CD93: variants seen among roughly 807,000 people sequenced by gnomAD.
The protein encoded by CD93 is complement component C1q receptor.
In CD93, 44 loss-of-function variants were observed where a neutral mutation model predicts 45.5. That is an observed-to-expected ratio of 0.97 (90% CI 0.76 to 1.24). The LOEUF (loss-of-function observed/expected upper bound fraction) is 1.24, where lower values mean the gene tolerates loss of function less well. Ranked by LOEUF, CD93 falls within the 50% of genes most tolerant of loss-of-function variation. The pLI is 0.00. For synonymous variants in CD93, 431 were observed against 370.8 expected (o/e 1.16, Z -1.87); for missense variants, 918 against 844.5 (o/e 1.09, Z -1.08).
At position 23,084,918 on chromosome 20, in the gene CD93, G is replaced by A. The variant is rs1985437575; in HGVS notation, c.1275C>T (p.Cys425=). The A allele has an allele frequency of 6.2e-7, 1 of 1,613,306 alleles. No individual in the cohort carries two copies. Among genetic ancestry groups the A allele is most frequent in the Non-Finnish European group, 8.5e-7 (1 of 1,179,904 alleles). The change falls in exon 1 of 2, where the codon TGC becomes TGT. Residue 425 remains cysteine, a synonymous_variant. Coordinates refer to ENST00000246006, the MANE Select transcript of CD93 (RefSeq NM_012072.4). The stretch of plus-strand genomic sequence containing the variant: ...GGCCCACACACTCATCCACGTCCTG[G>A]CACTGAGTCCCGTCCTCCCCGGCCA... ...YVLAGEDGTQ[C]QDVDECVGPG...
In CD93 at chr20:23,084,265, T is replaced by C; in HGVS notation, c.1928A>G (p.Gln643Arg). The stretch of plus-strand genomic sequence containing the variant: ...CACTCAGGGCCCCCTTTACCTGTAC[T>C]GGTTCTCCATGGCCCTGCTCTCAGC... ...ERAESRAMENQYSPTPGTDC is the reference protein window; with the variant it reads ...ERAESRAMENRYSPTPGTDC The change falls in exon 1 of 2, where the codon CAG becomes CGG. Residue 643 changes from glutamine (Q) to arginine (R), a missense_variant. Coordinates refer to ENST00000246006, the MANE Select transcript of CD93 (RefSeq NM_012072.4). 1 of 1,613,704 alleles carries C rather than the reference T, an allele frequency of 6.2e-7. No individual in the cohort carries two copies. The highest frequency in any genetic ancestry group is 8.5e-7 in the Non-Finnish European group (1 of 1,179,938).
chr20:23,083,872 G>A lies in CD93; in HGVS notation c.*78C>T. On this transcript the variant is annotated 3_prime_UTR_variant, in exon 2 of 2. Transcript: ENST00000246006. ...AGTCCAGTCTTTCAAAAAAATGTGG[G>A]TGCCCCTTTGGAATGGGGAGTTCAA... The A allele has an allele frequency of 3.7e-6, 5 of 1,336,284 alleles. No individual in the cohort carries two copies. Among genetic ancestry groups the A allele is most frequent in the Non-Finnish European group, 2.2e-6 (2 of 926,222 alleles). 82.8% of individuals were successfully genotyped at this position (1,336,284 alleles called of 1,614,324 possible).
In CD93 at chr20:23,086,048, C is replaced by A. The variant is rs1454138921; in HGVS notation, c.145G>T (p.Ala49Ser). Residue 49 changes from alanine (A) to serine (S), a missense_variant, in exon 1 of 2, where the codon GCC (alanine) becomes TCC (serine). Coordinates refer to ENST00000246006, the MANE Select transcript of CD93 (RefSeq NM_012072.4). ...CCGTTCTGGTTGCAGTGGTTCTGGG[C>A]CTCGGCAGCGCTCAGCTTGCCCGAG... ...AHSGKLSAAE[A>S]QNHCNQNGGN... 6.2e-7 allele frequency: 1 copy of A among 1,607,256 alleles called. No individual in the cohort carries two copies. Among genetic ancestry groups the A allele is most frequent in the African/African-American group, 1.3e-5 (1 of 74,906 alleles).
chr20:23,085,189 TG>T lies in CD93; in HGVS notation c.1003del (p.Gln335SerfsTer253). ...ACAGTCCAGCTGACTCGAGTCCAGC[TG>T]GTACCCTTGGGGGCAGCGGCACGTG... ...NYTCRCPQGY[Q>X]LDSSQLDCVD... is the part of the protein sequence containing the mutation. On this transcript the variant is annotated frameshift_variant, in exon 1 of 2. Transcript: ENST00000246006. LOFTEE classifies it high-confidence loss of function. 6.3e-7 allele frequency: 1 copy of T among 1,590,784 alleles called. No homozygotes were observed. The highest frequency in any genetic ancestry group is 8.6e-7 in the Non-Finnish European group (1 of 1,167,918).
In CD93 at chr20:23,079,832, G is replaced by A. The variant is rs1231170400; in HGVS notation, c.*4118C>T. The A allele has an allele frequency of 6.6e-6, 1 of 151,644 alleles. No homozygotes were observed. Among genetic ancestry groups the A allele is most frequent in the Non-Finnish European group, 1.5e-5 (1 of 67,980 alleles). 9.4% of individuals were successfully genotyped at this position (151,644 alleles called of 1,614,324 possible). ...TCCAGAGCTTCTACCTAAAATAGAAGGGCATTATCTACAAGAACAGACCAA... is the reference window on the plus strand; with the variant it reads ...TCCAGAGCTTCTACCTAAAATAGAAAGGCATTATCTACAAGAACAGACCAA... On this transcript the variant is annotated 3_prime_UTR_variant, in exon 2 of 2. Coordinates refer to ENST00000246006, the MANE Select transcript of CD93 (RefSeq NM_012072.4).
At position 23,084,260 on chromosome 20, in the gene CD93, T is replaced by G. The variant is rs1319081083; in HGVS notation, c.1933A>C (p.Ser645Arg). 1.9e-6 allele frequency: 3 copies of G among 1,613,370 alleles called. No individual in the cohort carries two copies. The highest frequency in any genetic ancestry group is 2.5e-6 in the Non-Finnish European group (3 of 1,179,840). ...AESRAMENQY[S>R]PTPGTDC ...CCGGTCACTCAGGGCCCCCTTTACCTGTACTGGTTCTCCATGGCCCTGCTC... is the reference window on the plus strand; with the variant it reads ...CCGGTCACTCAGGGCCCCCTTTACCGGTACTGGTTCTCCATGGCCCTGCTC... The change falls in exon 1 of 2, where the codon AGT becomes CGT. Residue 645 changes from serine to arginine, a missense_variant and splice_region_variant. Transcript: ENST00000246006.
In CD93 at chr20:23,084,368, G is replaced by A. The variant is rs745695333; in HGVS notation, c.1825C>T (p.Arg609Trp). Residue 609 changes from arginine to tryptophan, a missense_variant, in exon 1 of 2, where the codon CGG becomes TGG. By Grantham distance (101) the Arg-to-Trp change is moderately radical (BLOSUM62 -3). Coordinates refer to ENST00000246006, the MANE Select transcript of CD93 (RefSeq NM_012072.4). ...LALGLLVYRK[R>W]RAKREEKKEK... ...TTCTTCTCCTCCCTCTTCGCTCTCC[G>A]CTTGCGATAGACCAGTAGCCCCAGA... The A allele has an allele frequency of 2.1e-5, 34 of 1,614,062 alleles. No homozygotes were observed. Among genetic ancestry groups the A allele is most frequent in the East Asian group, 1.8e-4 (8 of 44,888 alleles).
Position 23,084,437 on chromosome 20 carries a change from T to TG in CD93, c.1755dup (p.Ile586HisfsTer51). The TG allele has an allele frequency of 1.2e-6, 2 of 1,614,102 alleles. No homozygotes were observed. The highest frequency in any genetic ancestry group is 1.7e-6 in the Non-Finnish European group (2 of 1,180,024). On this transcript the variant is annotated frameshift_variant, in exon 1 of 2. Transcript: ENST00000246006. LOFTEE classifies it high-confidence loss of function. ...AGGATGGCCACCACGGTGCCTAGGA[T>TG]GTAGAATAAAAGCAGCTTTTGCCCG...
Position 23,083,420 on chromosome 20 carries a change from G to A in CD93, c.*530C>T, listed in dbSNP as rs1467134956. 1.3e-5 allele frequency: 2 copies of A among 155,078 alleles called. No homozygotes were observed. Among genetic ancestry groups the A allele is most frequent in the African/African-American group, 4.8e-5 (2 of 41,480 alleles). 9.6% of individuals were successfully genotyped at this position (155,078 alleles called of 1,614,324 possible). A position where few individuals can be genotyped will look rare whatever the true frequency, so the allele number is the denominator to read the frequency against. On this transcript the variant is annotated 3_prime_UTR_variant, in exon 2 of 2. Transcript: ENST00000246006. ...CACATTTAGCAAGACTTGTGCTGGCGAAATGGAGGAATGCAAATGTAAAGA... is the reference window on the plus strand; with the variant it reads ...CACATTTAGCAAGACTTGTGCTGGCAAAATGGAGGAATGCAAATGTAAAGA...
In CD93 at chr20:23,085,456, T is replaced by A; in HGVS notation, c.737A>T (p.Asp246Val). Residue 246 changes from aspartate to valine, a missense_variant, in exon 1 of 2, where the codon GAT becomes GTT. Asp to Val is a radical substitution (Grantham distance 152, BLOSUM62 -3). Transcript: ENST00000246006. ...HYFLCKEKAPDVFDWGSSGPL... is the reference protein window; with the variant it reads ...HYFLCKEKAPVVFDWGSSGPL... The stretch of plus-strand genomic sequence containing the variant: ...GCCCGAGCTGCCCCAGTCGAACACA[T>A]CGGGGGCCTTCTCCTTGCACAGGAA... The A allele has an allele frequency of 6.2e-7, 1 of 1,613,912 alleles. No homozygotes were observed. The highest frequency in any genetic ancestry group is 8.5e-7 in the Non-Finnish European group (1 of 1,180,030).
Position 23,084,521 on chromosome 20 carries a change from G to T in CD93, c.1672C>A (p.Pro558Thr). The change falls in exon 1 of 2, where the codon CCC becomes ACC. Residue 558 changes from proline (P) to threonine (T), a missense_variant. Physicochemically the swap from Pro to Thr is conservative, Grantham distance 38. Coordinates refer to ENST00000246006, the MANE Select transcript of CD93 (RefSeq NM_012072.4). Reference protein sequence around the residue: ...SIHHATAASGPQEPAGGDSSV... With the variant: ...SIHHATAASGTQEPAGGDSSV... ...GAGTCCCCACCTGCAGGCTCCTGGG[G>T]GCCAGAGGCAGCTGTGGCGTGATGG... 1.9e-6 allele frequency: 3 copies of T among 1,613,992 alleles called. No homozygotes were observed. The highest frequency in any genetic ancestry group is 2.5e-6 in the Non-Finnish European group (3 of 1,180,034).
rs767818152 is a variant in CD93, at chr20:23,084,815, G to C, written c.1378C>G (p.Leu460Val). The C allele has an allele frequency of 4.3e-6, 7 of 1,613,400 alleles. No homozygotes were observed. The South Asian group carries it at 7.7e-5, about 18-fold the overall frequency. Reference protein sequence around the residue: ...FHCGCLPGWVLAPNGVSCTMG... With the variant: ...FHCGCLPGWVVAPNGVSCTMG... ...GTGCAAGAGACCCCATTTGGGGCCAGCACCCAGCCTGGCAGGCAGCCACAG... is the reference window on the plus strand; with the variant it reads ...GTGCAAGAGACCCCATTTGGGGCCACCACCCAGCCTGGCAGGCAGCCACAG... Residue 460 changes from leucine to valine, a missense_variant, in exon 1 of 2, where the codon CTG becomes GTG. Coordinates refer to ENST00000246006, the MANE Select transcript of CD93 (RefSeq NM_012072.4).
In CD93 at chr20:23,085,718, TG is replaced by T; in HGVS notation, c.474del (p.Lys159SerfsTer41). ...LSQPLLPSRL[P>X]KWSEGPCGSP... ...CTCCCACAGGGGCCCTCAGACCACT[TG>T]GGGAGGCGGCTGGGAAGGAGCGGCT... On this transcript the variant is annotated frameshift_variant, in exon 1 of 2. Transcript: ENST00000246006. LOFTEE classifies it high-confidence loss of function. The T allele has an allele frequency of 6.2e-7, 1 of 1,611,528 alleles. No individual in the cohort carries two copies.
In CD93 at chr20:23,084,335, T is replaced by C. The variant is rs371399527; in HGVS notation, c.1858A>G (p.Lys620Glu). ...RAKREEKKEK[K>E]PQNAADSYSW... ...TAACTGTCTGCCGCATTCTGGGGCT[T>C]CTTCTCCTTCTTCTCCTCCCTCTTC... Residue 620 changes from lysine to glutamate, a missense_variant, in exon 1 of 2, where the codon AAG becomes GAG. Lys to Glu is a moderately conservative substitution (Grantham distance 56). Transcript: ENST00000246006. The C allele has an allele frequency of 5.5e-5, 89 of 1,613,768 alleles. No homozygotes were observed. The African/African-American group carries it at 7.0e-4, about 13-fold the overall frequency.
chr20:23,086,323 A>C lies in CD93; in HGVS notation c.-131T>G, dbSNP rs984117161. ...CAGCCACTCCGGCGCAGAGAAGGAC[A>C]CAAAGGCTGAGGGCTTTCCACGTCC... On this transcript the variant is annotated 5_prime_UTR_variant, in exon 1 of 2. Transcript: ENST00000246006. 8.4e-7 allele frequency: 1 copy of C among 1,183,512 alleles called. No individual in the cohort carries two copies. Among genetic ancestry groups the C allele is most frequent in the African/African-American group, 1.5e-5 (1 of 64,642 alleles). 73.3% of individuals were successfully genotyped at this position (1,183,512 alleles called of 1,614,324 possible).
Position 23,083,202 on chromosome 20 carries a change from T to C in CD93, c.*748A>G, listed in dbSNP as rs995986552. 4 of 152,302 alleles carry C rather than the reference T, an allele frequency of 2.6e-5. No homozygotes were observed. Among genetic ancestry groups the C allele is most frequent in the African/African-American group, 7.2e-5 (3 of 41,474 alleles). 9.4% of individuals were successfully genotyped at this position (152,302 alleles called of 1,614,324 possible). On this transcript the variant is annotated 3_prime_UTR_variant, in exon 2 of 2. Coordinates refer to ENST00000246006, the MANE Select transcript of CD93 (RefSeq NM_012072.4). ...AACAAATCCCTGGCCTCTCTCGCCCTAGCCCCGTAGATTATGTGACTTCAC... is the reference window on the plus strand; with the variant it reads ...AACAAATCCCTGGCCTCTCTCGCCCCAGCCCCGTAGATTATGTGACTTCAC...
Position 23,084,665 on chromosome 20 carries a change from G to C in CD93, c.1528C>G (p.Pro510Ala). 6.3e-7 allele frequency: 1 copy of C among 1,587,526 alleles called. No individual in the cohort carries two copies. Among genetic ancestry groups the C allele is most frequent in the South Asian group, 1.1e-5 (1 of 86,960 alleles). The change falls in exon 1 of 2, where the codon CCC (proline) becomes GCC (alanine). Residue 510 changes from proline (P) to alanine (A), a missense_variant. Pro to Ala is a conservative substitution (Grantham distance 27). Coordinates refer to ENST00000246006, the MANE Select transcript of CD93 (RefSeq NM_012072.4). Reference protein sequence around the residue: ...ASPTRGPEGTPKATPTTSRPS... With the variant: ...ASPTRGPEGTAKATPTTSRPS... ...CTACTTGTGGTGGGTGTAGCCTTGG[G>C]GGTGCCCTCGGGGCCCCTTGTGGGA...
chr20:23,082,775 G>A lies in CD93; in HGVS notation c.*1175C>T, dbSNP rs1254228435. 2.0e-5 allele frequency: 3 copies of A among 152,458 alleles called. No homozygotes were observed. In the East Asian group the frequency reaches 5.8e-4, roughly 29 times the overall value. The allele number at this position is 152,458 out of a possible 1,614,324, so 9.4% of individuals were successfully genotyped here. A position where few individuals can be genotyped will look rare whatever the true frequency, so the allele number is the denominator to read the frequency against. On this transcript the variant is annotated 3_prime_UTR_variant, in exon 2 of 2. Transcript: ENST00000246006. ...TAAGGAAAAGAGACAGAGAACAAAA[G>A]TTCCTTAAGCAAACTGCCTGACTAG...
In CD93 at chr20:23,083,045, G is replaced by A. The variant is rs1489588547; in HGVS notation, c.*905C>T. 5.2e-5 allele frequency: 8 copies of A among 152,636 alleles called. No individual in the cohort carries two copies. The highest frequency in any genetic ancestry group is 1.7e-4 in the African/African-American group (7 of 41,460). 9.5% of individuals were successfully genotyped at this position (152,636 alleles called of 1,614,324 possible). A position where few individuals can be genotyped will look rare whatever the true frequency, so the allele number is the denominator to read the frequency against. On this transcript the variant is annotated 3_prime_UTR_variant, in exon 2 of 2. Coordinates refer to ENST00000246006, the MANE Select transcript of CD93 (RefSeq NM_012072.4). ...TGAAGTGGAGGCGGGGCCACAGGCA[G>A]GGTGTCTGAGGCCTGCCCTGGCTCA...
Sources: gnomAD v4.1 joint callset for allele counts on GRCh38, gnomAD v4.1.1 for gene constraint, MANE v1.5 for transcripts, NCBI Gene and HGNC (gene_info 2026-07-23, HGNC 2026-07-21) for gene names.